The following TENM3 variants were observed in gnomAD, a reference collection of about 807,000 sequenced individuals.
TENM3 encodes teneurin-3.
TENM3 carries 63 observed loss-of-function variants against 255.1 expected under a neutral mutation model. The ratio of observed to expected loss-of-function variants is 0.25; its 90% CI spans 0.20 to 0.30. The LOEUF (loss-of-function observed/expected upper bound fraction) is 0.30. TENM3 is among the 10% of genes least tolerant of loss of function. The pLI, the probability that TENM3 is intolerant of heterozygous loss-of-function variation, is 1.00. For missense variants in TENM3, 2,929 were observed against 3,461.1 expected, an observed-to-expected ratio of 0.85 and a Z score of 3.86; for synonymous variants, 1,306 against 1,322.3, an observed-to-expected ratio of 0.99 and a Z score of 0.27.
chr4:181,862,851 G>A, the TENM3 span, among the ~76,000 whole-genome samples: 1 of 152,010 alleles, frequency 6.6e-6, no homozygotes, highest in African/African-American at 2.4e-5. Flanking sequence ...TAACTCTAGT[G>A]GATTTAGTTT....
At chr4:182,627,984 A>G (rs1455011971) in intron 4 of TENM3, among the ~76,000 whole-genome samples, 4 of 152,106 alleles carry the variant, frequency 2.6e-5, no homozygotes, top group African/African-American at 7.2e-5. Flanking sequence ...AAGATGTTCC[A>G]TGATTCCTTC....
chr4:181,674,137 A>G, the TENM3 span, among the ~76,000 whole-genome samples: 1 of 152,122 alleles, frequency 6.6e-6, no homozygotes, highest in Admixed American at 6.6e-5. Context: ...CTGGGACTAC[A>G]GGCACATGGC....
chr4:182,006,424 G>C, the TENM3 span, among the ~76,000 whole-genome samples: 2 of 152,152 alleles, frequency 1.3e-5, no homozygotes, highest in South Asian at 4.1e-4. Flanking sequence ...GGCCTCTTCA[G>C]AGATTCACCT....
the TENM3 span, among the ~76,000 whole-genome samples, chr4:181,758,603 G>A: frequency 3.9e-5 from 6 of 152,146 alleles, no homozygotes; most frequent in Admixed American, 1.3e-4. Flanking sequence ...CAGGATAATT[G>A]CACCTTACGG....
the TENM3 span, among the ~76,000 whole-genome samples, chr4:181,913,874 T>C: frequency 1.3e-5 from 2 of 152,210 alleles, no homozygotes; most frequent in African/African-American, 4.8e-5. Context: ...AGGAATTTAC[T>C]GTATCCTACA....
the TENM3 span, among the ~76,000 whole-genome samples, chr4:181,645,205 G>A: frequency 6.6e-6 from 1 of 152,188 alleles, no homozygotes; most frequent in Non-Finnish European, 1.5e-5. Flanking sequence ...GAGGATGTTA[G>A]AAGCTTTTGG....
intron 3 of TENM3, among the ~76,000 whole-genome samples, chr4:182,394,287 A>T (rs1205164879): frequency 1.3e-5 from 2 of 152,194 alleles, no homozygotes; most frequent in Non-Finnish European, 2.9e-5. Flanking sequence ...CAAGCAAAAG[A>T]AAAGAGCATA....
chr4:182,667,174 T>TTTTTGTTTTGTTTTG (rs149236811), intron 6 of TENM3, among the ~76,000 whole-genome samples: 331 of 150,090 alleles, frequency 2.2e-3, no homozygotes, highest in African/African-American at 7.6e-3. Context: ...AGTTACCATT[T>TTTTTGTTTTGTTTTG]TTTTGTTTTG....
intron 1 of TENM3, among the ~76,000 whole-genome samples, chr4:182,316,453 C>T (rs1052112204): frequency 5.3e-5 from 8 of 151,948 alleles, no homozygotes; most frequent in African/African-American, 1.7e-4. Context: ...TTCAGTGGTC[C>T]TTTAGAGGCA....
the TENM3 span, among the ~76,000 whole-genome samples, chr4:181,714,910 T>C: frequency 6.6e-6 from 1 of 152,220 alleles, no homozygotes; most frequent in Non-Finnish European, 1.5e-5. Context: ...TACAAAGAGA[T>C]AAATTTTCAT....
At chr4:181,850,023 T>C in the TENM3 span, among the ~76,000 whole-genome samples, 1 of 148,996 alleles carries the variant, frequency 6.7e-6, no homozygotes, top group Non-Finnish European at 1.5e-5. Context: ...GAATATTCCT[T>C]GTCAAATTTA....
chr4:182,097,355 G>T, the TENM3 span, among the ~76,000 whole-genome samples: 1 of 152,148 alleles, frequency 6.6e-6, no homozygotes, highest in Non-Finnish European at 1.5e-5. Flanking sequence ...TCTGCCCTCT[G>T]AAGTGTTTCT....
intron 3 of TENM3, among the ~76,000 whole-genome samples, chr4:182,453,230 A>G (rs1236532430): frequency 6.6e-6 from 1 of 152,102 alleles, no homozygotes; most frequent in East Asian, 1.9e-4. Flanking sequence ...TACTATTGGC[A>G]GTTGTTTTGC....
At chr4:182,318,931 C>A (rs1762895965) in intron 1 of TENM3, among the ~76,000 whole-genome samples, 1 of 152,046 alleles carries the variant, frequency 6.6e-6, no homozygotes, top group African/African-American at 2.4e-5. Context: ...CCATGCCCAG[C>A]TAATTTTTGA....
intron 3 of TENM3, among the ~76,000 whole-genome samples, chr4:182,517,424 C>A: frequency 7.9e-6 from 1 of 127,302 alleles, no homozygotes. Context: ...CGCTCTGTCG[C>A]CCAGGCTGGA....
chr4:182,312,098 T>C (rs1400562065), intron 1 of TENM3, among the ~76,000 whole-genome samples: 1 of 152,232 alleles, frequency 6.6e-6, no homozygotes, highest in African/African-American at 2.4e-5. Flanking sequence ...TTAGTTGTCA[T>C]AGTTCCTCAT....
chr4:182,431,442 C>T (rs542506697), intron 3 of TENM3, among the ~76,000 whole-genome samples: 3 of 152,066 alleles, frequency 2.0e-5, no homozygotes, highest in South Asian at 2.1e-4. Flanking sequence ...TGCAGTGTGC[C>T]GAGATCGCGC....
At chr4:181,496,591 C>T in the TENM3 span, among the ~76,000 whole-genome samples, 18,418 of 148,300 alleles carry the variant, frequency 0.12, no homozygotes, top group African/African-American at 0.44. Flanking sequence ...ATTTTAAATG[C>T]TCCTTTTTAA....
the TENM3 span, among the ~76,000 whole-genome samples, chr4:181,630,244 CT>C: frequency 1.3e-5 from 2 of 152,098 alleles, no homozygotes; most frequent in Admixed American, 1.3e-4. Flanking sequence ...CTTTATTAAT[CT>C]TGCTAGTGGT....
Sources: gnomAD v4.1 joint callset for allele counts (sites outside exome capture counted in the v4.1 genomes callset) on GRCh38, gnomAD v4.1.1 for gene constraint, MANE v1.5 for transcripts, NCBI Gene and HGNC (gene_info 2026-07-23, HGNC 2026-07-21) for gene names.